RAPH1: variants seen among roughly 807,000 people sequenced by gnomAD.
The protein encoded by RAPH1 is ras-associated and pleckstrin homology domains-containing protein 1.
A neutral mutation model predicts 88.1 loss-of-function variants in RAPH1; 18 were observed. The ratio of observed to expected loss-of-function variants is 0.20; its 90% CI spans 0.14 to 0.30. The LOEUF (loss-of-function observed/expected upper bound fraction) is 0.30. Ranked by LOEUF, RAPH1 falls within the 10% of genes least tolerant of loss-of-function variation. RAPH1 has a pLI of 1.00. For missense variants in RAPH1, 1,448 were observed against 1,543.2 expected, an observed-to-expected ratio of 0.94 and a Z score of 1.03; for synonymous variants, 587 against 559.0, an observed-to-expected ratio of 1.05 and a Z score of -0.71.
At chr2:203,495,656 A>AT (rs995881235) in intron 1 of RAPH1, among the ~76,000 whole-genome samples, 4 of 152,168 alleles carry the variant, frequency 2.6e-5, no homozygotes, top group Non-Finnish European at 5.9e-5. Flanking sequence ...AGCAGAGGAC[A>AT]TAACAGTAGT....
intron 8 of RAPH1, among the ~76,000 whole-genome samples, chr2:203,456,076 T>C (rs2098519281): frequency 6.6e-6 from 1 of 152,142 alleles, no homozygotes; most frequent in South Asian, 2.1e-4. Context: ...AAACACAATA[T>C]GAATTTGGAA....
chr2:203,441,887 G>A (rs2098504570), intron 13 of RAPH1: 1 of 1,350,820 alleles, frequency 7.4e-7, no homozygotes, highest in Non-Finnish European at 9.5e-7. Context: ...GGGCTTCCTG[G>A]TGGAATGAGG....
At chr2:203,487,932 GA>G (rs368131817) in intron 4 of RAPH1, among the ~76,000 whole-genome samples, 40 of 149,562 alleles carry the variant, frequency 2.7e-4, no homozygotes, top group Middle Eastern at 3.5e-3. Flanking sequence ...AATAAGTTAC[GA>G]AAAAAAAATC....
At chr2:203,495,583 A>C (rs1013514432) in intron 1 of RAPH1, among the ~76,000 whole-genome samples, 2 of 152,190 alleles carry the variant, frequency 1.3e-5, no homozygotes, top group Non-Finnish European at 2.9e-5. Flanking sequence ...AGAAAAGCCA[A>C]CAGTATCAAA....
chr2:203,440,918 C>T lies in RAPH1; in HGVS notation c.2272G>A (p.Val758Met), dbSNP rs1349392661. 1.3e-6 allele frequency: 2 copies of T among 1,539,160 alleles called. No homozygotes were observed. The highest frequency in any genetic ancestry group is 3.7e-5 in the Admixed American group (2 of 53,894). ...GGTGGGGGGGGTGTTGGGGGAGCCA[C>T]CTGAGTAATATGCTGAACTTGATGG... ...KIHQVQHITQ[V>M]APPTPPPPPP... The change falls in exon 14 of 14, where the codon GTG becomes ATG. Residue 758 changes from valine (V) to methionine (M), a missense_variant. Physicochemically the swap from Val to Met is conservative, Grantham distance 21. Transcript: ENST00000319170.
intron 1 of RAPH1, among the ~76,000 whole-genome samples, chr2:203,501,701 GAA>G (rs1021803858): frequency 2.0e-5 from 3 of 151,122 alleles, no homozygotes; most frequent in African/African-American, 7.3e-5. Context: ...ATCCATCACT[GAA>G]GTTTCCTCTG....
At chr2:203,522,496 T>C (rs755652382) in intron 1 of RAPH1, among the ~76,000 whole-genome samples, 2 of 152,174 alleles carry the variant, frequency 1.3e-5, no homozygotes, top group Non-Finnish European at 2.9e-5. Context: ...CAAAATGAAC[T>C]AGGTATTCAA....
chr2:203,448,899 T>C lies in RAPH1; in HGVS notation c.1414-63A>G. Reference sequence around the variant, plus strand: ...GAGAACTAAAGAAAAACAAACTTTATCAAAGCTTAAACATATCCTGACAAG... The same window carrying C: ...GAGAACTAAAGAAAAACAAACTTTACCAAAGCTTAAACATATCCTGACAAG... On this transcript the variant is annotated intron_variant, in intron 10 of 13. Transcript: ENST00000319170. The surrounding 1 kb of genome is among the most constrained non-coding windows in gnomAD (Gnocchi z 4.1). 1 of 1,109,206 alleles carries C rather than the reference T, an allele frequency of 9.0e-7. No homozygotes were observed. The allele number at this position is 1,109,206 out of a possible 1,614,324, so 68.7% of individuals were successfully genotyped here. A position where few individuals can be genotyped will look rare whatever the true frequency, so the allele number is the denominator to read the frequency against.
intron 12 of RAPH1, chr2:203,446,347 A>G (rs1366538579): frequency 6.6e-6 from 1 of 152,204 alleles, no homozygotes; most frequent in Non-Finnish European, 1.5e-5. Flanking sequence ...ACTATGTCAA[A>G]GGTCCCTATA....
chr2:203,527,696 A>G (rs1690183425), intron 1 of RAPH1, among the ~76,000 whole-genome samples: 2 of 149,486 alleles, frequency 1.3e-5, no homozygotes, highest in South Asian at 4.4e-4. Flanking sequence ...GCTGCTCGGG[A>G]GACTGAGGCA....
chr2:203,461,427 A>C lies in RAPH1; in HGVS notation c.811-19T>G, dbSNP rs754507791. ...TCACCAGCTATAACAGGTAAAAAGA[A>C]AAGTAAATGAACACTAAAAAATGGC... On this transcript the variant is annotated intron_variant, in intron 5 of 13. Transcript: ENST00000319170. 9.6e-6 allele frequency: 15 copies of C among 1,556,520 alleles called. No individual in the cohort carries two copies. In the African/African-American group the frequency reaches 2.1e-4, roughly 21 times the overall value.
chr2:203,513,087 C>G (rs1231101863), intron 1 of RAPH1, among the ~76,000 whole-genome samples: 4 of 152,082 alleles, frequency 2.6e-5, no homozygotes, highest in Admixed American at 6.6e-5. Context: ...CCCTAGTTAT[C>G]TAGGACTAAA....
At position 203,461,737 on chromosome 2, in the gene RAPH1, G is replaced by A. The variant is rs972370036; in HGVS notation, c.810+111C>T. On this transcript the variant is annotated intron_variant, in intron 5 of 13. Coordinates refer to ENST00000319170, the MANE Select transcript of RAPH1 (RefSeq NM_213589.3). ...GAAAAATATATTACTAGGAAGAAAT[G>A]CCCCTGTATCTCTCCATATCTTAGA... 1.5e-5 allele frequency: 10 copies of A among 679,996 alleles called. No individual in the cohort carries two copies. The African/African-American group carries it at 1.7e-4, about 11-fold the overall frequency. The allele number at this position is 679,996 out of a possible 1,614,324, so 42.1% of individuals were successfully genotyped here.
chr2:203,470,354 A>C, intron 4 of RAPH1: 1 of 1,383,616 alleles, frequency 7.2e-7, no homozygotes, highest in Non-Finnish European at 1.0e-6. Context: ...AAAGGCAATA[A>C]CAGAAGTCAG....
chr2:203,461,513 A>G, intron 5 of RAPH1, 105 bp from the exon 6 acceptor site: 1 of 841,222 alleles, frequency 1.2e-6, no homozygotes. Flanking sequence ...TTTGTATATA[A>G]ATTAAAACAC....
At chr2:203,491,980 T>C (rs1167765095) in intron 2 of RAPH1, among the ~76,000 whole-genome samples, 1 of 152,136 alleles carries the variant, frequency 6.6e-6, no homozygotes, top group Non-Finnish European at 1.5e-5. Flanking sequence ...CACTTTGTAA[T>C]CCCAGCACTT....
At chr2:203,470,214 T>C in intron 4 of RAPH1, 1 of 1,521,206 alleles carries the variant, frequency 6.6e-7, no homozygotes, top group Non-Finnish European at 9.1e-7. Context: ...AGTAAATAGT[T>C]ACATGCATGT....
rs1290557641 is a variant in RAPH1 at position 203,444,912 on chromosome 2, A to C, written c.1732T>G (p.Ser578Ala). 4 of 1,614,048 alleles carry C rather than the reference A, an allele frequency of 2.5e-6. No homozygotes were observed. Among genetic ancestry groups the C allele is most frequent in the Non-Finnish European group, 3.4e-6 (4 of 1,180,012 alleles). ...TGAGTGCCTCGTTTCCAGGCTTCAG[A>C]GAATACGGAGCTCACAATGCTCTGG... ...RSQSIVSSVF[S>A]EAWKRGTQLE... The change falls in exon 13 of 14, where the codon TCT becomes GCT. Residue 578 changes from serine (S) to alanine (A), a missense_variant. Transcript: ENST00000319170.
At chr2:203,529,005 A>ATATATAT (rs1553633903) in intron 1 of RAPH1, among the ~76,000 whole-genome samples, 2 of 41,154 alleles carry the variant, frequency 4.9e-5, no homozygotes, top group African/African-American at 1.2e-4. Flanking sequence ...ATATATATAT[A>ATATATAT]TTTTTTTTTT....
Sources: allele counts gnomAD v4.1 joint callset (sites outside exome capture counted in the v4.1 genomes callset), GRCh38; gene constraint gnomAD v4.1.1; non-coding constraint Gnocchi (gnomAD v3.1); transcripts MANE v1.5; gene names NCBI Gene and HGNC (gene_info 2026-07-23, HGNC 2026-07-21).